Variants in MCC observed in about 807,000 individuals in gnomAD.
MCC encodes the protein MCC regulator of Wnt signaling pathway, also known as colorectal mutant cancer protein.
A neutral mutation model predicts 116.2 loss-of-function variants in MCC; 90 were observed. That is an observed-to-expected ratio of 0.77 (90% CI 0.65 to 0.92). The LOEUF (loss-of-function observed/expected upper bound fraction) is 0.92, where lower values mean the gene tolerates loss of function less well. Ranked by LOEUF, MCC falls within the 40% of genes least tolerant of loss-of-function variation. The pLI is 0.00. For missense variants in MCC, 1,516 were observed against 1,312.2 expected, an observed-to-expected ratio of 1.16 and a Z score of -2.40; for synonymous variants, 578 against 510.5, an observed-to-expected ratio of 1.13 and a Z score of -1.78.
At chr5:113,092,017 C>A (rs1398813842) in intron 8 of MCC, among the ~76,000 whole-genome samples, 2 of 152,194 alleles carry the variant, frequency 1.3e-5, no homozygotes, top group Non-Finnish European at 2.9e-5. Flanking sequence ...ACACCTTCAA[C>A]AGGGACTGAC....
chr5:113,213,185 C>G (rs1210319095), intron 3 of MCC, among the ~76,000 whole-genome samples: 1 of 152,186 alleles, frequency 6.6e-6, no homozygotes, highest in Non-Finnish European at 1.5e-5. Flanking sequence ...TCTGCGAACC[C>G]TCTACACACC....
intron 3 of MCC, among the ~76,000 whole-genome samples, chr5:113,278,294 T>C (rs910844104): frequency 1.3e-5 from 2 of 152,180 alleles, no homozygotes; most frequent in African/African-American, 4.8e-5. Flanking sequence ...CATGGGACCA[T>C]GGCATACTTT....
intron 3 of MCC, among the ~76,000 whole-genome samples, chr5:113,157,142 G>A (rs13156236): frequency 0.54 from 82,496 of 152,056 alleles, 24,237 homozygotes; most frequent in East Asian, 0.68. Flanking sequence ...GTGTCACTGC[G>A]TATTTCTGGT....
intron 2 of MCC, among the ~76,000 whole-genome samples, chr5:113,371,980 G>A (rs1265606296): frequency 6.6e-5 from 10 of 151,982 alleles, no homozygotes; most frequent in Non-Finnish European, 1.2e-4. Flanking sequence ...CTAAAATCAC[G>A]CCAAGTTGTA....
chr5:113,293,298 C>G (rs988989069), intron 3 of MCC, among the ~76,000 whole-genome samples: 2 of 152,118 alleles, frequency 1.3e-5, no homozygotes, highest in Non-Finnish European at 2.9e-5. Context: ...CATTGGTAGT[C>G]TGACATCACC....
chr5:113,049,257 TC>T lies in MCC; in HGVS notation c.2490del (p.Glu832ArgfsTer7). The T allele has an allele frequency of 6.2e-7, 1 of 1,611,794 alleles. No individual in the cohort carries two copies. Among genetic ancestry groups the T allele is most frequent in the South Asian group, 1.1e-5 (1 of 90,568 alleles). On this transcript the variant is annotated frameshift_variant, in exon 16 of 19. Coordinates refer to ENST00000408903, the MANE Select transcript of MCC (RefSeq NM_001085377.2). LOFTEE classifies it high-confidence loss of function. The stretch of plus-strand genomic sequence containing the variant: ...TTCAGCTCCAGGGCCTTCTTCTCTT[TC>T]TCCAGTAGGTAGAGCTGGGCCTTCA... ...AELKAQLYLLEKEKKALELKL... is the reference protein window; with the variant it reads ...AELKAQLYLLXKEKKALELKL...
At chr5:113,379,032 T>C (rs1158329897) in intron 2 of MCC, among the ~76,000 whole-genome samples, 1 of 152,250 alleles carries the variant, frequency 6.6e-6, no homozygotes, top group Non-Finnish European at 1.5e-5. Context: ...TCTGGTATAA[T>C]GTATGCATCA....
At chr5:113,392,389 T>C (rs1769423418) in intron 1 of MCC, among the ~76,000 whole-genome samples, 1 of 152,182 alleles carries the variant, frequency 6.6e-6, no homozygotes, top group African/African-American at 2.4e-5. Context: ...GCCATTTTAG[T>C]ATCTAATGGA....
chr5:113,122,913 C>T lies in MCC; in HGVS notation c.885-87G>A, dbSNP rs149089820. 2.4e-5 allele frequency: 34 copies of T among 1,390,046 alleles called. No individual in the cohort carries two copies. The East Asian group carries it at 7.1e-4, about 29-fold the overall frequency. 86.1% of individuals were successfully genotyped at this position (1,390,046 alleles called of 1,614,324 possible). A position where few individuals can be genotyped will look rare whatever the true frequency, so the allele number is the denominator to read the frequency against. ...ATGTCTTTTAAGGACAAGAAAAAGA[C>T]ATTGAGAGAGAAAACAGATTTCTCC... On this transcript the variant is annotated intron_variant, in intron 5 of 18. Transcript: ENST00000408903.
chr5:113,267,131 G>A lies in MCC; in HGVS notation c.627+73388C>T, dbSNP rs187561837. 3.3e-5 allele frequency among the ~76,000 whole-genome samples: 5 copies of A among 152,232 alleles called. No individual in the cohort carries two copies. In the East Asian group the frequency reaches 7.7e-4, roughly 24 times the overall value. On this transcript the variant is annotated intron_variant, in intron 3 of 18. Transcript: ENST00000408903. ...CACACTCCCCTGTATCCCAGGGCACGTTCTCTGCAGCTCTTTCCTTCCTAT... is the reference window on the plus strand; with the variant it reads ...CACACTCCCCTGTATCCCAGGGCACATTCTCTGCAGCTCTTTCCTTCCTAT...
rs1401144806 is a variant in MCC, at chr5:113,339,804, G to T, written c.627+715C>A. 2.6e-5 allele frequency among the ~76,000 whole-genome samples: 4 copies of T among 152,198 alleles called. No homozygotes were observed. The East Asian group carries it at 5.8e-4, about 22-fold the overall frequency. ...AGACTGTAAATATGCATAAGTCAAG[G>T]TTATTGAGATGCTTAGTCTACCATT... On this transcript the variant is annotated intron_variant, in intron 3 of 18. Coordinates refer to ENST00000408903, the MANE Select transcript of MCC (RefSeq NM_001085377.2).
intron 3 of MCC, among the ~76,000 whole-genome samples, chr5:113,293,973 C>G (rs948105527): frequency 6.6e-6 from 1 of 152,074 alleles, no homozygotes; most frequent in Non-Finnish European, 1.5e-5. Flanking sequence ...CGGGAATGTC[C>G]GTGTATTTTA....
At position 113,071,152 on chromosome 5, in the gene MCC, T is replaced by G. The variant is rs778583537; in HGVS notation, c.1867A>C (p.Met623Leu). The change falls in exon 12 of 19, where the codon ATG becomes CTG. Residue 623 changes from methionine to leucine, a missense_variant. Met to Leu is a conservative substitution (Grantham distance 15). Transcript: ENST00000408903. Reference protein sequence around the residue: ...ECKSNAERMSMLVGKYESNAT... With the variant: ...ECKSNAERMSLLVGKYESNAT... ...TTGGATTCGTATTTTCCCACCAGCA[T>G]GCTCATCCTCTCGGCATTGCTTTTA... 18 of 1,614,112 alleles carry G rather than the reference T, an allele frequency of 1.1e-5. No homozygotes were observed. The highest frequency in any genetic ancestry group is 1.7e-5 in the Admixed American group (1 of 60,012).
chr5:113,237,928 T>C (rs966507087), intron 3 of MCC, among the ~76,000 whole-genome samples: 1 of 152,172 alleles, frequency 6.6e-6, no homozygotes, highest in Non-Finnish European at 1.5e-5. Context: ...ATAATTTCCA[T>C]GAATGAGTAT....
intron 3 of MCC, among the ~76,000 whole-genome samples, chr5:113,220,119 G>A (rs1321910087): frequency 1.6e-5 from 1 of 62,440 alleles, no homozygotes; most frequent in African/African-American, 2.7e-5. Context: ...GTGCAGTGGC[G>A]CAATCTCGGC....
Position 113,294,618 on chromosome 5 carries a change from G to A in MCC, c.627+45901C>T, listed in dbSNP as rs571515943. The A allele has an allele frequency of 1.3e-5, 15 of 1,158,244 alleles. No individual in the cohort carries two copies. The South Asian group carries it at 5.9e-4, about 46-fold the overall frequency. The allele number at this position is 1,158,244 out of a possible 1,614,324, so 71.7% of individuals were successfully genotyped here. A position where few individuals can be genotyped will look rare whatever the true frequency, so the allele number is the denominator to read the frequency against. The stretch of plus-strand genomic sequence containing the variant: ...TTGCTGCAGGAGGCTCGGTGGCGCG[G>A]CGCGCTCGCAGCTGCGGCAGCGGCG... On this transcript the variant is annotated intron_variant, in intron 3 of 18. Transcript: ENST00000408903.
intron 10 of MCC, among the ~76,000 whole-genome samples, chr5:113,083,253 G>A (rs569082455): frequency 1.3e-5 from 2 of 152,112 alleles, no homozygotes; most frequent in East Asian, 3.9e-4. Flanking sequence ...GTGGTGCTGG[G>A]CAGCCAGGAT....
At chr5:113,247,718 G>A (rs1316817778) in intron 3 of MCC, among the ~76,000 whole-genome samples, 1 of 152,100 alleles carries the variant, frequency 6.6e-6, no homozygotes. Context: ...ACGTCCTAAA[G>A]GAAAAGTAAA....
chr5:113,364,524 T>C (rs940135798), intron 2 of MCC, among the ~76,000 whole-genome samples: 3 of 152,214 alleles, frequency 2.0e-5, no homozygotes, highest in African/African-American at 7.2e-5. Flanking sequence ...TGCCAGTGGC[T>C]CTACCATTCC....
Sources: allele counts gnomAD v4.1 joint callset (sites outside exome capture counted in the v4.1 genomes callset), GRCh38; gene constraint gnomAD v4.1.1; transcripts MANE v1.5; gene names NCBI Gene and HGNC (gene_info 2026-07-23, HGNC 2026-07-21).